The following KHDRBS2 variants were observed in gnomAD, a reference collection of about 807,000 sequenced individuals.
KHDRBS2 encodes KH domain-containing, RNA-binding, signal transduction-associated protein 2.
KHDRBS2 carries 26 observed loss-of-function variants against 44.3 expected under a neutral mutation model. The observed-to-expected ratio is 0.59, with a 90% CI of 0.43 to 0.81. KHDRBS2 has a LOEUF of 0.81. KHDRBS2 is among the 40% of genes least tolerant of loss of function. The pLI, the probability that KHDRBS2 is intolerant of heterozygous loss-of-function variation, is 0.00. For synonymous variants in KHDRBS2, 194 were observed against 151.1 expected, an observed-to-expected ratio of 1.28 and a Z score of -2.08; for missense variants, 476 against 433.1, an observed-to-expected ratio of 1.10 and a Z score of -0.88.
chr6:62,253,650 A>C (rs1028751344), intron 1 of KHDRBS2, among the ~76,000 whole-genome samples: 1 of 152,048 alleles, frequency 6.6e-6, no homozygotes, highest in Non-Finnish European at 1.5e-5. Flanking sequence ...AGGAAGAGGA[A>C]GAAGAAATTC....
intron 6 of KHDRBS2, among the ~76,000 whole-genome samples, chr6:61,795,262 A>G (rs1281375769): frequency 6.6e-6 from 1 of 152,152 alleles, no homozygotes; most frequent in South Asian, 2.1e-4. Context: ...AAGTACTGAA[A>G]GTCACACTAT....
At chr6:62,154,965 C>T (rs1361667119) in intron 2 of KHDRBS2, among the ~76,000 whole-genome samples, 2 of 152,028 alleles carry the variant, frequency 1.3e-5, no homozygotes, top group Non-Finnish European at 2.9e-5. Context: ...GGGTCTTCCA[C>T]CAGAAAATGA....
the KHDRBS2 span, among the ~76,000 whole-genome samples, chr6:61,641,877 G>A: frequency 0.81 from 123,247 of 152,180 alleles, 50,324 homozygotes; most frequent in Non-Finnish European, 0.87. Flanking sequence ...CTAGTTATGA[G>A]ATAAATTATT....
intron 6 of KHDRBS2, among the ~76,000 whole-genome samples, chr6:61,880,984 A>G (rs566559559): frequency 6.6e-6 from 1 of 152,076 alleles, no homozygotes; most frequent in South Asian, 2.1e-4. Context: ...AAGGTAGAGG[A>G]TGTGGCAGGG....
At position 61,997,024 on chromosome 6, in the gene KHDRBS2, G is replaced by A. The variant is rs140593138; in HGVS notation, c.337-18812C>T. ...TCTCAAACTCCTGACCTCGTGATCC[G>A]CCCACCTTGGCCTCCCAAAGTGCTG... On this transcript the variant is annotated intron_variant, in intron 3 of 8. Transcript: ENST00000281156. 1.4e-3 allele frequency among the ~76,000 whole-genome samples: 217 copies of A among 151,996 alleles called. 1 individual carries two copies. Among genetic ancestry groups the A allele is most frequent in the African/African-American group, 4.9e-3 (202 of 41,470 alleles).
At chr6:61,747,878 G>A (rs1562085647) in intron 6 of KHDRBS2, among the ~76,000 whole-genome samples, 2 of 152,072 alleles carry the variant, frequency 1.3e-5, no homozygotes, top group Non-Finnish European at 2.9e-5. Context: ...TTTCTATTTA[G>A]CAGTGCTGGT....
intron 3 of KHDRBS2, among the ~76,000 whole-genome samples, chr6:62,041,891 C>T (rs1363405402): frequency 2.6e-5 from 4 of 151,424 alleles, no homozygotes; most frequent in Non-Finnish European, 4.4e-5. Context: ...GCTTTTTTTT[C>T]TTTCTAAGGT....
intron 2 of KHDRBS2, among the ~76,000 whole-genome samples, chr6:62,169,800 C>G (rs757652382): frequency 1.3e-5 from 2 of 152,012 alleles, no homozygotes; most frequent in Non-Finnish European, 2.9e-5. Flanking sequence ...CCACAGAGGC[C>G]TCTGAAGCCT....
At chr6:61,934,237 T>C (rs879678907) in intron 4 of KHDRBS2, among the ~76,000 whole-genome samples, 1 of 152,204 alleles carries the variant, frequency 6.6e-6, no homozygotes, top group Non-Finnish European at 1.5e-5. Context: ...AAATGTTTTC[T>C]TTTTCTTCTG....
intron 2 of KHDRBS2, among the ~76,000 whole-genome samples, chr6:62,110,492 T>C (rs1343718634): frequency 6.6e-6 from 1 of 152,052 alleles, no homozygotes; most frequent in Non-Finnish European, 1.5e-5. Flanking sequence ...AGCCATACAA[T>C]GGAATACTAT....
intron 6 of KHDRBS2, among the ~76,000 whole-genome samples, chr6:61,833,783 T>C (rs571326975): frequency 1.3e-5 from 2 of 152,310 alleles, no homozygotes; most frequent in African/African-American, 2.4e-5. Context: ...TCTGGAATTC[T>C]TTAAGAAAAC....
chr6:61,597,072 G>C, the KHDRBS2 span, among the ~76,000 whole-genome samples: 13 of 152,268 alleles, frequency 8.5e-5, no homozygotes, highest in African/African-American at 2.9e-4. Flanking sequence ...ATAGGTAAAG[G>C]CCTAGTTAAG....
At chr6:61,965,856 G>C (rs914812229) in intron 4 of KHDRBS2, among the ~76,000 whole-genome samples, 2 of 151,930 alleles carry the variant, frequency 1.3e-5, no homozygotes, top group Non-Finnish European at 2.9e-5. Context: ...ACGTTTGAGT[G>C]ACTGCAATAA....
At chr6:62,173,285 C>T (rs910313988) in intron 2 of KHDRBS2, among the ~76,000 whole-genome samples, 1 of 151,640 alleles carries the variant, frequency 6.6e-6, no homozygotes, top group Non-Finnish European at 1.5e-5. Flanking sequence ...ATACAAAAAC[C>T]TTCAGAGACT....
chr6:62,211,263 G>A (rs142480586), intron 1 of KHDRBS2, among the ~76,000 whole-genome samples: 251 of 143,218 alleles, frequency 1.8e-3, no homozygotes, highest in African/African-American at 7.0e-3. Flanking sequence ...CTAAGGTTTA[G>A]AAGTTTGCCT....
Position 61,697,195 on chromosome 6 carries a change from C to A in KHDRBS2, c.952G>T (p.Ala318Ser). Residue 318 changes from alanine (A) to serine (S), a missense_variant and splice_region_variant, in exon 8 of 9, where the codon GCA becomes TCA. Coordinates refer to ENST00000281156, the MANE Select transcript of KHDRBS2 (RefSeq NM_152688.4). ...GVSEDAYDSYAPEEWATTRSS... is the reference protein window; with the variant it reads ...GVSEDAYDSYSPEEWATTRSS... ...AGTTTTAGTAAAGAAAAGGTCTTAC[C>A]GTAGCTGTCATAGGCATCCTCACTT... 1 of 1,599,220 alleles carries A rather than the reference C, an allele frequency of 6.3e-7. No individual in the cohort carries two copies. The highest frequency in any genetic ancestry group is 2.2e-5 in the East Asian group (1 of 44,722).
intron 6 of KHDRBS2, among the ~76,000 whole-genome samples, chr6:61,864,344 T>C (rs1406327865): frequency 6.6e-6 from 1 of 152,190 alleles, no homozygotes; most frequent in African/African-American, 2.4e-5. Context: ...TTTTTCAGAC[T>C]TGTTCATATG....
intron 2 of KHDRBS2, among the ~76,000 whole-genome samples, chr6:62,070,484 C>T (rs561556185): frequency 6.6e-6 from 1 of 151,976 alleles, no homozygotes; most frequent in Admixed American, 6.6e-5. Flanking sequence ...TGCTATCCCT[C>T]CCCCCTCCTC....
At chr6:61,684,975 T>A (rs898048888) in intron 8 of KHDRBS2, among the ~76,000 whole-genome samples, 48 of 151,678 alleles carry the variant, frequency 3.2e-4, no homozygotes, top group Non-Finnish European at 1.3e-4. Context: ...ATCTCCTATA[T>A]GCCAGTTACT....
Sources: gnomAD v4.1 joint callset for allele counts (sites outside exome capture counted in the v4.1 genomes callset) on GRCh38, gnomAD v4.1.1 for gene constraint, MANE v1.5 for transcripts, NCBI Gene and HGNC (gene_info 2026-07-23, HGNC 2026-07-21) for gene names.